Variants in SNU13 observed in about 807,000 individuals in gnomAD.
The protein encoded by SNU13 is small nuclear ribonucleoprotein 13, also known as NHP2-like protein 1.
SNU13 carries 2 observed loss-of-function variants against 12.4 expected under a neutral mutation model. The observed-to-expected ratio is 0.16, with a 90% CI of 0.07 to 0.51. SNU13 has a LOEUF of 0.51. Among genes scored for constraint, SNU13 ranks in the 20% least tolerant of loss-of-function variants. The pLI is 0.96. For missense variants in SNU13, 66 were observed against 157.8 expected, an observed-to-expected ratio of 0.42 and a Z score of 3.12; for synonymous variants, 68 against 66.5, an observed-to-expected ratio of 1.02 and a Z score of -0.11.
intron 1 of SNU13, among the ~76,000 whole-genome samples, chr22:41,680,929 G>A (rs768067829): frequency 1.3e-5 from 2 of 152,144 alleles, no homozygotes; most frequent in Non-Finnish European, 2.9e-5. Flanking sequence ...CCTGGCTCAC[G>A]CCTGTAATCA....
chr22:41,675,275 G>A, intron 2 of SNU13, 80 bp from the exon 3 acceptor site: 2 of 1,540,074 alleles, frequency 1.3e-6, no homozygotes, highest in South Asian at 1.2e-5. Context: ...AGAATGCCTA[G>A]GCACACACAA....
rs1416527182 is a variant in SNU13 at position 41,684,417 on chromosome 22, G to A, written c.4-4053C>T. Among the ~76,000 whole-genome samples the A allele has an allele frequency of 2.0e-5, 3 of 151,810 alleles. No homozygotes were observed. In the South Asian group the frequency reaches 6.2e-4, roughly 31 times the overall value. On this transcript the variant is annotated intron_variant, in intron 1 of 2. Coordinates refer to ENST00000401959, the MANE Select transcript of SNU13 (RefSeq NM_001003796.2). Reference sequence around the variant, plus strand: ...TTTATCCCGTTTCTCCCTAGCATTAGCATCTTAGGCTCCAAGTAATACTTT... The same window carrying A: ...TTTATCCCGTTTCTCCCTAGCATTAACATCTTAGGCTCCAAGTAATACTTT...
intron 1 of SNU13, among the ~76,000 whole-genome samples, chr22:41,684,089 G>A (rs1188651910): frequency 8.5e-5 from 13 of 152,080 alleles, no homozygotes. Flanking sequence ...TTTTTTAGTA[G>A]AGACTGGGTT....
chr22:41,689,639 C>T (rs2068344061), upstream of SNU13, among the ~76,000 whole-genome samples: 1 of 150,810 alleles, frequency 6.6e-6, no homozygotes, highest in Admixed American at 6.6e-5. Context: ...GCACACTGCA[C>T]TCCAGCCTGG....
chr22:41,689,559 G>A (rs2068343336), upstream of SNU13, among the ~76,000 whole-genome samples: 1 of 151,598 alleles, frequency 6.6e-6, no homozygotes, highest in South Asian at 2.1e-4. Flanking sequence ...CCAGCTACTC[G>A]GGAGGCCGAG....
chr22:41,689,535 G>A (rs1269633903), upstream of SNU13, among the ~76,000 whole-genome samples: 1 of 151,564 alleles, frequency 6.6e-6, no homozygotes, highest in Non-Finnish European at 1.5e-5. Flanking sequence ...GCATGGTGGC[G>A]GGCGCCTGTA....
At chr22:41,688,700 G>C (rs1017525701) in intron 1 of SNU13, 94 bp downstream of exon 1, 18 of 1,480,128 alleles carry the variant, frequency 1.2e-5, no homozygotes, top group Admixed American at 4.1e-5. Flanking sequence ...CGGATGAGAC[G>C]GCGCAGGCTC....
chr22:41,688,750 T>G (rs940626353), intron 1 of SNU13, 44 bp downstream of exon 1: 17 of 1,597,862 alleles, frequency 1.1e-5, no homozygotes, highest in Non-Finnish European at 1.5e-5. Flanking sequence ...AACGCAACCC[T>G]GAGTCTCCCG....
intron 1 of SNU13, chr22:41,682,538 C>G (rs1374910235): frequency 3.0e-5 from 45 of 1,494,002 alleles, no homozygotes; most frequent in Non-Finnish European, 3.7e-5. Flanking sequence ...GACGCCCTGT[C>G]TTCTACGTAA....
chr22:41,688,906 C>G, upstream of SNU13: 1 of 1,463,796 alleles, frequency 6.8e-7, no homozygotes, highest in East Asian at 2.4e-5. Context: ...TGGCCCCGCG[C>G]GGCAGGAAGC....
chr22:41,681,730 G>A (rs931343175), intron 1 of SNU13, among the ~76,000 whole-genome samples: 24 of 152,140 alleles, frequency 1.6e-4, no homozygotes, highest in African/African-American at 5.8e-4. Flanking sequence ...ACCCATGTAG[G>A]GGACGAGCGC....
At position 41,675,210 on chromosome 22, in the gene SNU13, A is replaced by T; in HGVS notation, c.125-15T>A. The T allele has an allele frequency of 6.2e-7, 1 of 1,610,332 alleles. No homozygotes were observed. Among genetic ancestry groups the T allele is most frequent in the Non-Finnish European group, 8.5e-7 (1 of 1,179,442 alleles). Reference sequence around the variant, plus strand: ...GGTTTTGGTGGCTGCGGAGAGAAGGACGTGAAGCTAATAGGTGATGTGGGC... The same window carrying T: ...GGTTTTGGTGGCTGCGGAGAGAAGGTCGTGAAGCTAATAGGTGATGTGGGC... On this transcript the variant is annotated splice_polypyrimidine_tract_variant and intron_variant, in intron 2 of 2. Coordinates refer to ENST00000401959, the MANE Select transcript of SNU13 (RefSeq NM_001003796.2).
chr22:41,686,244 G>A (rs756626135), intron 1 of SNU13, among the ~76,000 whole-genome samples: 17 of 149,610 alleles, frequency 1.1e-4, no homozygotes, highest in Non-Finnish European at 2.2e-4. Context: ...TCCTTTCTCT[G>A]GATTTATCAT....
At chr22:41,689,582 C>T (rs565821450), upstream of SNU13, among the ~76,000 whole-genome samples, 3 of 151,942 alleles carry the variant, frequency 2.0e-5, no homozygotes, top group African/African-American at 4.8e-5. Context: ...AGGAGAATGC[C>T]GTGAACCCCG....
rs1194512136 is a variant in SNU13 at position 41,680,374 on chromosome 22, G to A, written c.4-10C>T. The A allele has an allele frequency of 2.5e-6, 4 of 1,601,826 alleles. No individual in the cohort carries two copies. Among genetic ancestry groups the A allele is most frequent in the East Asian group, 2.2e-5 (1 of 44,630 alleles). On this transcript the variant is annotated splice_polypyrimidine_tract_variant and intron_variant, in intron 1 of 2. Transcript: ENST00000401959. ...TCACATCAGCCTCAGTCTATGGGGG[G>A]GACATAAAAATATCAGACAAATTGA...
At chr22:41,680,420 A>G (rs1400060270) in intron 1 of SNU13, 56 bp from the exon 2 acceptor site, 1 of 1,575,688 alleles carries the variant, frequency 6.3e-7, no homozygotes, top group African/African-American at 1.4e-5. Flanking sequence ...TTCCTACCTG[A>G]GTCACAAAAT....
chr22:41,682,705 G>C, intron 1 of SNU13: 1 of 537,778 alleles, frequency 1.9e-6, no homozygotes, highest in Non-Finnish European at 2.8e-6. Flanking sequence ...TTTAGAGACG[G>C]AGTCTCCCTC....
At chr22:41,682,316 G>C (rs1247241284) in intron 1 of SNU13, 2 of 1,588,598 alleles carry the variant, frequency 1.3e-6, no homozygotes, top group African/African-American at 2.7e-5. Flanking sequence ...ACAGCTCTCG[G>C]GAGGTGACCC....
rs2068190744 is a variant in SNU13 at position 41,674,276 on chromosome 22, T to TA, written c.*656_*657insT. 1.3e-5 allele frequency: 2 copies of TA among 153,196 alleles called. No homozygotes were observed. Among genetic ancestry groups the TA allele is most frequent in the East Asian group, 3.9e-4 (2 of 5,186 alleles). 9.5% of individuals were successfully genotyped at this position (153,196 alleles called of 1,614,324 possible). A position where few individuals can be genotyped will look rare whatever the true frequency, so the allele number is the denominator to read the frequency against. On this transcript the variant is annotated 3_prime_UTR_variant, in exon 3 of 3. Coordinates refer to ENST00000401959, the MANE Select transcript of SNU13 (RefSeq NM_001003796.2). Reference sequence around the variant, plus strand: ...CCATGGCTCACCCACCCAGGCTGCCTCCGGAGTCCTGCAGCACATCTCTTT... The same window carrying TA: ...CCATGGCTCACCCACCCAGGCTGCCTACCGGAGTCCTGCAGCACATCTCTTT...
Sources: gnomAD v4.1 joint callset for allele counts (sites outside exome capture counted in the v4.1 genomes callset) on GRCh38, gnomAD v4.1.1 for gene constraint, MANE v1.5 for transcripts, NCBI Gene and HGNC (gene_info 2026-07-23, HGNC 2026-07-21) for gene names.